DOCK2: variants seen among roughly 807,000 people sequenced by gnomAD.
DOCK2 encodes dedicator of cytokinesis protein 2.
Under a neutral mutation model 248.9 loss-of-function variants are expected in DOCK2, and 87 were observed. That is an observed-to-expected ratio of 0.35 (90% confidence interval 0.29 to 0.42). The LOEUF is 0.42. DOCK2 is among the 10% of genes least tolerant of loss of function. The pLI, the probability that DOCK2 is intolerant of heterozygous loss-of-function variation, is 1.00. For synonymous variants in DOCK2, 805 were observed against 821.6 expected, an observed-to-expected ratio of 0.98 and a Z score of 0.35; for missense variants, 1,747 against 2,300.2, an observed-to-expected ratio of 0.76 and a Z score of 4.92.
At chr5:169,974,856 T>C (rs12332191) in intron 27 of DOCK2, among the ~76,000 whole-genome samples, 20 of 131,166 alleles carry the variant, frequency 1.5e-4, no homozygotes, top group East Asian at 2.3e-4. Context: ...CACACACACA[T>C]GTTTCCATGG....
intron 35 of DOCK2, among the ~76,000 whole-genome samples, chr5:170,035,818 T>C (rs1261316313): frequency 6.6e-6 from 1 of 152,076 alleles, no homozygotes; most frequent in Non-Finnish European, 1.5e-5. Flanking sequence ...TGCACGTGGG[T>C]GTGCTGCATT....
At chr5:170,036,471 T>C in intron 35 of DOCK2, 44 bp from the exon 36 acceptor site, 1 of 1,597,310 alleles carries the variant, frequency 6.3e-7, no homozygotes, top group Non-Finnish European at 8.6e-7. Context: ...CGCTGTGATA[T>C]TGCAGAGAAC....
intron 25 of DOCK2, among the ~76,000 whole-genome samples, chr5:169,775,781 G>A (rs1180339707): frequency 6.6e-6 from 1 of 152,018 alleles, no homozygotes; most frequent in East Asian, 1.9e-4. Context: ...AAAGGCCAGT[G>A]TATGTGACAC....
At chr5:169,677,547 A>G (rs751753625) in intron 6 of DOCK2, among the ~76,000 whole-genome samples, 1 of 152,184 alleles carries the variant, frequency 6.6e-6, no homozygotes, top group Non-Finnish European at 1.5e-5. Context: ...ATAAATATGT[A>G]TGATTTTTCC....
chr5:169,981,664 C>T (rs901799715), intron 27 of DOCK2, among the ~76,000 whole-genome samples: 4 of 152,154 alleles, frequency 2.6e-5, no homozygotes, highest in Non-Finnish European at 4.4e-5. Context: ...CTCTAGTCTT[C>T]AGCAACCACC....
chr5:170,040,959 G>A (rs1267455594), intron 36 of DOCK2, 96 bp from the exon 37 acceptor site: 4 of 1,076,794 alleles, frequency 3.7e-6, no homozygotes, highest in Non-Finnish European at 5.7e-6. Context: ...GCGACCCAGA[G>A]AGGTGCCCAG....
intron 27 of DOCK2, among the ~76,000 whole-genome samples, chr5:169,854,266 A>G (rs1423491256): frequency 1.3e-5 from 2 of 151,384 alleles, no homozygotes; most frequent in East Asian, 3.9e-4. Context: ...GTTCACTGCA[A>G]CCTCCACCTC....
chr5:169,794,038 G>A lies in DOCK2; in HGVS notation c.2555-9020G>A, dbSNP rs957674341. Among the ~76,000 whole-genome samples the A allele has an allele frequency of 3.9e-5, 6 of 151,944 alleles. No homozygotes were observed. In the East Asian group the frequency reaches 5.8e-4, roughly 15 times the overall value. Reference sequence around the variant, plus strand: ...AATTTCCTTGCTGGTAGTTATCAGCGCCCATTGTTGTAACATCAGCTCTCA... The same window carrying A: ...AATTTCCTTGCTGGTAGTTATCAGCACCCATTGTTGTAACATCAGCTCTCA... On this transcript the variant is annotated intron_variant, in intron 25 of 51. Transcript: ENST00000520908.
intron 14 of DOCK2, chr5:169,704,086 A>G (rs565962526): frequency 9.2e-5 from 14 of 152,312 alleles, no homozygotes; most frequent in Admixed American, 3.9e-4. Context: ...GTAAGCAGGT[A>G]TTCTGGGGGC....
At chr5:169,934,304 G>C (rs1446667388) in intron 27 of DOCK2, among the ~76,000 whole-genome samples, 1 of 152,106 alleles carries the variant, frequency 6.6e-6, no homozygotes, top group African/African-American at 2.4e-5. Flanking sequence ...TGATTTCCTG[G>C]GCTGATTTGC....
At chr5:169,997,735 A>G (rs958026814) in intron 30 of DOCK2, among the ~76,000 whole-genome samples, 8 of 151,626 alleles carry the variant, frequency 5.3e-5, no homozygotes, top group Non-Finnish European at 4.4e-5. Flanking sequence ...ATCTCAAGGC[A>G]GAAGAATTTT....
intron 27 of DOCK2, among the ~76,000 whole-genome samples, chr5:169,962,497 T>C (rs1012671569): frequency 1.3e-5 from 2 of 152,152 alleles, no homozygotes; most frequent in Non-Finnish European, 2.9e-5. Flanking sequence ...ACTGAGCATC[T>C]TGAGTTTGAG....
chr5:169,821,614 A>C (rs566243457), intron 26 of DOCK2, among the ~76,000 whole-genome samples: 1 of 152,226 alleles, frequency 6.6e-6, no homozygotes, highest in Non-Finnish European at 1.5e-5. Flanking sequence ...AGAGCTCCTG[A>C]AGTAAGCACT....
intron 27 of DOCK2, among the ~76,000 whole-genome samples, chr5:169,972,438 A>G (rs554279939): frequency 6.6e-6 from 1 of 152,144 alleles, no homozygotes; most frequent in South Asian, 2.1e-4. Flanking sequence ...TTTTTAACCA[A>G]TAGATGTCAG....
In DOCK2 at chr5:169,759,688, T is replaced by C; in HGVS notation, c.2377-17T>C. On this transcript the variant is annotated splice_polypyrimidine_tract_variant and intron_variant, in intron 23 of 51. Transcript: ENST00000520908. ...TTGATGTGAGGATCACTTATATGTA[T>C]TTTACATTCCACCTAGGTGGCGGCT... The C allele has an allele frequency of 6.2e-7, 1 of 1,613,940 alleles. No individual in the cohort carries two copies. Among genetic ancestry groups the C allele is most frequent in the Non-Finnish European group, 8.5e-7 (1 of 1,179,834 alleles).
chr5:169,743,868 TTA>T (rs1447278884), intron 22 of DOCK2, among the ~76,000 whole-genome samples: 1 of 148,346 alleles, frequency 6.7e-6, no homozygotes, highest in Non-Finnish European at 1.5e-5. Flanking sequence ...AATATATAAT[TTA>T]TGATTTATAT....
chr5:169,741,114 T>C (rs943041312), intron 22 of DOCK2, among the ~76,000 whole-genome samples: 4 of 152,204 alleles, frequency 2.6e-5, no homozygotes, highest in Admixed American at 6.5e-5. Context: ...TGTGAGCCAC[T>C]GCACCCAGCC....
At chr5:170,004,701 A>G (rs554482439) in intron 30 of DOCK2, among the ~76,000 whole-genome samples, 37 of 146,690 alleles carry the variant, frequency 2.5e-4, no homozygotes, top group South Asian at 1.1e-3. Flanking sequence ...GATTAAGAAA[A>G]TGTGGCACAT....
chr5:169,760,707 C>T (rs967320589), intron 24 of DOCK2, among the ~76,000 whole-genome samples: 1 of 152,180 alleles, frequency 6.6e-6, no homozygotes, highest in African/African-American at 2.4e-5. Flanking sequence ...CTGCATACAT[C>T]GCTGTGTATT....
Sources: allele counts gnomAD v4.1 joint callset (sites outside exome capture counted in the v4.1 genomes callset), GRCh38; gene constraint gnomAD v4.1.1; transcripts MANE v1.5; gene names NCBI Gene and HGNC (gene_info 2026-07-23, HGNC 2026-07-21).